BRD4: variants seen among roughly 807,000 people sequenced by gnomAD.
BRD4 encodes bromodomain-containing protein 4.
A neutral mutation model predicts 142.1 loss-of-function variants in BRD4; 16 were observed. The observed-to-expected ratio is 0.11, with a 90% CI of 0.08 to 0.17. BRD4 has a LOEUF of 0.17. BRD4 is among the 10% of genes least tolerant of loss of function. BRD4 has a pLI of 1.00. For missense variants in BRD4, 1,424 were observed against 1,810.9 expected, an observed-to-expected ratio of 0.79 and a Z score of 3.88; for synonymous variants, 833 against 707.5, an observed-to-expected ratio of 1.18 and a Z score of -2.82.
At chr19:15,316,701 G>C (rs984919530) in intron 1 of BRD4, among the ~76,000 whole-genome samples, 2 of 152,256 alleles carry the variant, frequency 1.3e-5, no homozygotes, top group African/African-American at 4.8e-5. Flanking sequence ...TCTTGTGAAT[G>C]TCTTCATGAG....
intron 1 of BRD4, among the ~76,000 whole-genome samples, chr19:15,319,577 GCAC>G (rs2048044142): frequency 6.6e-6 from 1 of 151,690 alleles, no homozygotes; most frequent in African/African-American, 2.4e-5. Flanking sequence ...TCATGCCACT[GCAC>G]TCCAGCCTGG....
chr19:15,244,626 G>A (rs1436433516), intron 12 of BRD4, 26 bp from the exon 13 acceptor site: 2 of 1,613,786 alleles, frequency 1.2e-6, no homozygotes, highest in South Asian at 1.1e-5. Flanking sequence ...CAGACAGACA[G>A]ACAGGCTGAT....
chr19:15,329,537 G>C (rs924461454), intron 1 of BRD4, among the ~76,000 whole-genome samples: 5 of 152,060 alleles, frequency 3.3e-5, no homozygotes, highest in African/African-American at 7.2e-5. Context: ...TCAGGAGATC[G>C]AGACCATACT....
chr19:15,285,398 T>A (rs1599488144), intron 1 of BRD4, among the ~76,000 whole-genome samples: 1 of 152,112 alleles, frequency 6.6e-6, no homozygotes, highest in South Asian at 2.1e-4. Context: ...TACAAAAGAT[T>A]AGCCAGGCTT....
chr19:15,280,204 G>A lies in BRD4; in HGVS notation c.-34-7071C>T, dbSNP rs2145645381. ...AGAGTGGATGGTGGCCTGGTTGGCT[G>A]GACGTCATTTGGAACAGTGTGTGCT... On this transcript the variant is annotated intron_variant, in intron 1 of 19. Coordinates refer to ENST00000679869, the MANE Select transcript of BRD4 (RefSeq NM_001379291.1). The A allele has an allele frequency of 3.0e-6, 3 of 987,728 alleles. No homozygotes were observed. In the South Asian group the frequency reaches 1.4e-4, roughly 47 times the overall value. The allele number at this position is 987,728 out of a possible 1,614,324, so 61.2% of individuals were successfully genotyped here.
At chr19:15,265,266 C>T in intron 5 of BRD4, 88 bp downstream of exon 5, 1 of 1,291,832 alleles carries the variant, frequency 7.7e-7, no homozygotes, top group Non-Finnish European at 1.0e-6. Flanking sequence ...GTGCCCGGGA[C>T]CCAGGACAGG....
In BRD4 at chr19:15,267,568, A is replaced by T. The variant is rs1250274945; in HGVS notation, c.424-17T>A. ...ATCTCCAGGCTGGATAAGGAGACAC[A>T]GGGGTAGAGTCAGAGGGCCCTCCCC... On this transcript the variant is annotated splice_polypyrimidine_tract_variant and intron_variant, in intron 3 of 19. Transcript: ENST00000679869. 1.2e-6 allele frequency: 2 copies of T among 1,611,094 alleles called. No homozygotes were observed. The highest frequency in any genetic ancestry group is 2.7e-5 in the African/African-American group (2 of 74,888).
chr19:15,317,807 A>AAC (rs2048029539), intron 1 of BRD4, among the ~76,000 whole-genome samples: 1 of 152,274 alleles, frequency 6.6e-6, no homozygotes, highest in South Asian at 2.1e-4. Flanking sequence ...AGACCGCTCT[A>AAC]ACACTGGTAA....
intron 1 of BRD4, among the ~76,000 whole-genome samples, chr19:15,302,946 T>C (rs1468958072): frequency 6.8e-6 from 1 of 147,594 alleles, no homozygotes; most frequent in African/African-American, 2.5e-5. Context: ...AGGCGGAGCT[T>C]GCAGTGAGCC....
Position 15,288,832 on chromosome 19 carries a change from GA to G in BRD4, c.-34-15700del, listed in dbSNP as rs762709071. ...TGAGCTCTTTCACTGGCACCAGAGA[GA>G]ACACGCAACAGTACCATCTGCTGAG... On this transcript the variant is annotated intron_variant, in intron 1 of 19. Transcript: ENST00000679869. Among the ~76,000 whole-genome samples the G allele has an allele frequency of 7.2e-5, 11 of 152,190 alleles. No individual in the cohort carries two copies. In the South Asian group the frequency reaches 8.3e-4, roughly 11 times the overall value.
intron 1 of BRD4, among the ~76,000 whole-genome samples, chr19:15,318,124 T>C (rs928152512): frequency 2.6e-5 from 4 of 152,124 alleles, no homozygotes; most frequent in African/African-American, 7.2e-5. Context: ...AATTACAAAA[T>C]AGAAAGGGGA....
At chr19:15,316,155 C>CAAAAAAAAA (rs980486654) in intron 1 of BRD4, among the ~76,000 whole-genome samples, 1 of 33,052 alleles carries the variant, frequency 3.0e-5, no homozygotes, top group Admixed American at 3.8e-4. Flanking sequence ...GACACCGTCT[C>CAAAAAAAAA]AAAAAAAAAA....
At chr19:15,253,864 C>G (rs2047376652) in intron 11 of BRD4, 2 of 1,217,904 alleles carry the variant, frequency 1.6e-6, no homozygotes, top group Non-Finnish European at 2.3e-6. Flanking sequence ...TCCCCGCCCA[C>G]CATCCAGGGC....
At chr19:15,316,406 G>C (rs113413783) in intron 1 of BRD4, among the ~76,000 whole-genome samples, 1 of 151,646 alleles carries the variant, frequency 6.6e-6, no homozygotes, top group African/African-American at 2.4e-5. Context: ...CCTGGCCAAC[G>C]TGGTGAAACC....
intron 1 of BRD4, among the ~76,000 whole-genome samples, chr19:15,317,777 C>T (rs1231800731): frequency 6.6e-6 from 1 of 152,208 alleles, no homozygotes; most frequent in African/African-American, 2.4e-5. Context: ...TGCTACGCAA[C>T]TCAAAAGGGC....
chr19:15,242,184 C>A (rs1404399507), intron 14 of BRD4, among the ~76,000 whole-genome samples: 2 of 152,032 alleles, frequency 1.3e-5, no homozygotes. Context: ...GCAGGCAGCA[C>A]CCGGTACACA....
At position 15,238,842 on chromosome 19, in the gene BRD4, G is replaced by T; in HGVS notation, c.3921C>A (p.Ala1307=). 6.2e-7 allele frequency: 1 copy of T among 1,602,666 alleles called. No individual in the cohort carries two copies. The change falls in exon 19 of 20, where the codon GCC becomes GCA. Residue 1307 remains alanine, a synonymous_variant. Coordinates refer to ENST00000679869, the MANE Select transcript of BRD4 (RefSeq NM_001379291.1). The surrounding 1 kb of genome is among the most constrained non-coding windows in gnomAD (Gnocchi z 7.2). ...QQQQAAAVAA[A]ATPQAQSSQP... ...GGGAGCTCTGGGCCTGTGGGGTGGC[G>T]GCGGCAGCCACCGCAGCTGCTTGCT...
rs1480477619 is a variant in BRD4, at chr19:15,264,709, T to C, written c.907A>G (p.Ile303Val). ...DTTTPTTIDP[I>V]HEPPSLPPEP... ...GGGGGCAGCGAGGGTGGCTCGTGAATGGGGTCAATGGTGGTGGGGGTGGTG... is the reference window on the plus strand; with the variant it reads ...GGGGGCAGCGAGGGTGGCTCGTGAACGGGGTCAATGGTGGTGGGGGTGGTG... The change falls in exon 6 of 20, where the codon ATT becomes GTT. Residue 303 changes from isoleucine (I) to valine (V), a missense_variant. Physicochemically the swap from Ile to Val is conservative, Grantham distance 29. Around this residue, in one of 16 missense-constraint regions of BRD4, gnomAD observed 86 missense variants for 79.9 expected, o/e 1.08. Coordinates refer to ENST00000679869, the MANE Select transcript of BRD4 (RefSeq NM_001379291.1). 3 of 1,612,922 alleles carry C rather than the reference T, an allele frequency of 1.9e-6. No individual in the cohort carries two copies. The highest frequency in any genetic ancestry group is 1.1e-5 in the South Asian group (1 of 91,010).
intron 1 of BRD4, among the ~76,000 whole-genome samples, chr19:15,322,364 C>T (rs1387057552): frequency 2.0e-5 from 3 of 151,946 alleles, no homozygotes; most frequent in African/African-American, 4.8e-5. Flanking sequence ...CTCCGCCTCC[C>T]GGGTTCACGC....
Sources: allele counts gnomAD v4.1 joint callset (sites outside exome capture counted in the v4.1 genomes callset), GRCh38; gene constraint gnomAD v4.1.1; regional missense constraint gnomAD v4.1.1; non-coding constraint Gnocchi (gnomAD v3.1); transcripts MANE v1.5; gene names NCBI Gene and HGNC (gene_info 2026-07-23, HGNC 2026-07-21).